CELF4: variants seen among roughly 807,000 people sequenced by gnomAD.
CELF4 encodes CUG-BP- and ETR-3-like factor 4.
Under a neutral mutation model 59.9 loss-of-function variants are expected in CELF4, and 18 were observed. The ratio of observed to expected loss-of-function variants is 0.30; its 90% CI spans 0.21 to 0.45. The LOEUF is 0.45. Among genes scored for constraint, CELF4 ranks in the 20% least tolerant of loss-of-function variants. The pLI, the probability that CELF4 is intolerant of heterozygous loss-of-function variation, is 1.00. For missense variants in CELF4, 456 were observed against 689.0 expected (o/e 0.66, Z 3.79); for synonymous variants, 261 against 267.1 (o/e 0.98, Z 0.22).
intron 2 of CELF4, among the ~76,000 whole-genome samples, chr18:37,361,380 G>C (rs1483796713): frequency 6.6e-6 from 1 of 152,208 alleles, no homozygotes; most frequent in Non-Finnish European, 1.5e-5. Flanking sequence ...CTGCCTGACG[G>C]GTTCCTGTTC....
intron 2 of CELF4, among the ~76,000 whole-genome samples, chr18:37,439,777 T>C (rs896659294): frequency 6.6e-6 from 1 of 152,188 alleles, no homozygotes; most frequent in Non-Finnish European, 1.5e-5. Flanking sequence ...GACAGCATCA[T>C]ATCATCTCTG....
intron 2 of CELF4, among the ~76,000 whole-genome samples, chr18:37,471,331 T>G (rs1237203538): frequency 2.0e-5 from 3 of 152,146 alleles, no homozygotes; most frequent in African/African-American, 4.8e-5. Flanking sequence ...ATGTACCATG[T>G]GGAGGTGGAC....
intron 2 of CELF4, among the ~76,000 whole-genome samples, chr18:37,327,461 C>T (rs961920861): frequency 1.3e-5 from 2 of 152,178 alleles, no homozygotes; most frequent in African/African-American, 4.8e-5. Flanking sequence ...AGCACCCTGC[C>T]AGAGCAGGGC....
chr18:37,402,294 C>T (rs556057978), intron 2 of CELF4, among the ~76,000 whole-genome samples: 1 of 152,316 alleles, frequency 6.6e-6, no homozygotes, highest in Admixed American at 6.5e-5. Flanking sequence ...TTTCAGGTTG[C>T]CCACATGGGA....
intron 2 of CELF4, among the ~76,000 whole-genome samples, chr18:37,481,070 T>C (rs559135675): frequency 3.0e-3 from 464 of 152,208 alleles, no homozygotes; most frequent in Middle Eastern, 0.01. Flanking sequence ...CGCGGTGACC[T>C]GAGTCAGGAG....
intron 2 of CELF4, among the ~76,000 whole-genome samples, chr18:37,423,151 C>G (rs1316796081): frequency 6.6e-6 from 1 of 151,686 alleles, no homozygotes; most frequent in Non-Finnish European, 1.5e-5. Context: ...GAGAGACTGG[C>G]TCATGAGCTC....
At chr18:37,375,462 A>T in intron 2 of CELF4, among the ~76,000 whole-genome samples, 1 of 152,144 alleles carries the variant, frequency 6.6e-6, no homozygotes, top group Non-Finnish European at 1.5e-5. Context: ...CTGGCATGGG[A>T]TAAATGCCTG....
intron 3 of CELF4, among the ~76,000 whole-genome samples, chr18:37,297,043 G>A (rs1025332538): frequency 5.9e-5 from 9 of 152,180 alleles, no homozygotes; most frequent in Middle Eastern, 3.2e-3. Flanking sequence ...TGTTGACAGC[G>A]AGCAGGGAGA....
At chr18:37,279,196 T>C (rs1318358121) in intron 3 of CELF4, among the ~76,000 whole-genome samples, 1 of 151,784 alleles carries the variant, frequency 6.6e-6, no homozygotes, top group African/African-American at 2.4e-5. Context: ...ATAGTCGGGG[T>C]ATTGGGGAGC....
chr18:37,304,023 G>A (rs1010233282), intron 3 of CELF4, among the ~76,000 whole-genome samples: 9 of 152,236 alleles, frequency 5.9e-5, no homozygotes, highest in African/African-American at 2.2e-4. Flanking sequence ...CAGGGCCAAT[G>A]TTGCAAGGAG....
At chr18:37,340,598 C>G (rs1017167098) in intron 2 of CELF4, among the ~76,000 whole-genome samples, 1 of 152,230 alleles carries the variant, frequency 6.6e-6, no homozygotes, top group Non-Finnish European at 1.5e-5. Context: ...GTCCCACAGG[C>G]CTGAGGGTGG....
intron 3 of CELF4, among the ~76,000 whole-genome samples, chr18:37,299,756 T>C (rs1486893359): frequency 6.6e-6 from 1 of 152,218 alleles, no homozygotes; most frequent in African/African-American, 2.4e-5. Context: ...TGCACAGGGT[T>C]TTCTGGAAGC....
At chr18:37,299,567 A>C (rs1390557237) in intron 3 of CELF4, among the ~76,000 whole-genome samples, 1 of 152,196 alleles carries the variant, frequency 6.6e-6, no homozygotes, top group African/African-American at 2.4e-5. Flanking sequence ...TGTGAGAACC[A>C]GGAGAGGCTG....
At chr18:37,298,506 G>A (rs766590793) in intron 3 of CELF4, among the ~76,000 whole-genome samples, 1 of 152,078 alleles carries the variant, frequency 6.6e-6, no homozygotes, top group Non-Finnish European at 1.5e-5. Flanking sequence ...GATCACTTGG[G>A]GTCAGGAGTT....
chr18:37,550,589 C>T (rs73947555), intron 1 of CELF4, among the ~76,000 whole-genome samples: 2,228 of 152,336 alleles, frequency 0.015, 59 homozygotes, highest in African/African-American at 0.049. Context: ...TTTGATTAAA[C>T]CTTTGGCATG....
chr18:37,432,002 T>A (rs147660996), intron 2 of CELF4, among the ~76,000 whole-genome samples: 235 of 152,340 alleles, frequency 1.5e-3, no homozygotes, highest in Middle Eastern at 6.8e-3. Flanking sequence ...TTCCACTGAT[T>A]GCAAGGAGTG....
chr18:37,373,159 T>C (rs563560130), intron 2 of CELF4, among the ~76,000 whole-genome samples: 1 of 152,338 alleles, frequency 6.6e-6, no homozygotes, highest in East Asian at 1.9e-4. Context: ...GTGGCAGAGC[T>C]GGGGCCACTG....
At chr18:37,370,132 C>T (rs997394248) in intron 2 of CELF4, among the ~76,000 whole-genome samples, 2 of 152,214 alleles carry the variant, frequency 1.3e-5, no homozygotes, top group Non-Finnish European at 2.9e-5. Context: ...GCAAGAGACC[C>T]TCAGACTGTT....
chr18:37,246,196 G>A lies in CELF4; in HGVS notation c.*45-999C>T, dbSNP rs2062024851. Among the ~76,000 whole-genome samples, 2 of 152,146 alleles carry A rather than the reference G, an allele frequency of 1.3e-5. No individual in the cohort carries two copies. The highest frequency in any genetic ancestry group is 6.5e-5 in the Admixed American group (1 of 15,282). On this transcript the variant is annotated intron_variant, in intron 12 of 12. Transcript: ENST00000420428. The surrounding 1 kb of genome is among the most constrained non-coding windows in gnomAD (Gnocchi z 5.3). ...CAAAGCCCCCACTTGAGGGGACAAC[G>A]TCATGCGTATATCAATCCATGCTGG...
Sources: allele counts gnomAD v4.1 joint callset (sites outside exome capture counted in the v4.1 genomes callset), GRCh38; gene constraint gnomAD v4.1.1; non-coding constraint Gnocchi (gnomAD v3.1); transcripts MANE v1.5; gene names NCBI Gene and HGNC (gene_info 2026-07-23, HGNC 2026-07-21).